The following NLRP14 variants were observed in gnomAD, a reference collection of about 807,000 sequenced individuals.
NLRP14 encodes the protein NLR family pyrin domain containing 14, also known as NACHT, LRR and PYD domains-containing protein 14.
Under a neutral mutation model 94.7 loss-of-function variants are expected in NLRP14, and 105 were observed. The observed-to-expected ratio is 1.11, with a 90% CI of 0.95 to 1.30. The LOEUF is 1.30. Ranked by LOEUF, NLRP14 falls within the 50% of genes most tolerant of loss-of-function variation. NLRP14 has a pLI of 0.00. For synonymous variants in NLRP14, 508 were observed against 459.9 expected (o/e 1.10, Z -1.34); for missense variants, 1,362 against 1,254.1 (o/e 1.09, Z -1.30).
intron 10 of NLRP14, among the ~76,000 whole-genome samples, chr11:7,069,739 C>T (rs1163666479): frequency 1.3e-5 from 2 of 151,960 alleles, no homozygotes; most frequent in African/African-American, 4.8e-5. Flanking sequence ...CAATTCTCCT[C>T]CCTCAGCCTC....
chr11:7,075,276 C>T (rs1419716346), downstream of NLRP14, among the ~76,000 whole-genome samples: 2 of 152,132 alleles, frequency 1.3e-5, no homozygotes, highest in African/African-American at 2.4e-5. Context: ...ATGAATGTCA[C>T]TTATGACTAT....
At position 7,042,518 on chromosome 11, in the gene NLRP14, C is replaced by T; in HGVS notation, c.492C>T (p.His164=). The T allele has an allele frequency of 6.2e-6, 10 of 1,614,202 alleles. No homozygotes were observed. The highest frequency in any genetic ancestry group is 8.5e-6 in the Non-Finnish European group (10 of 1,179,992). Residue 164 remains histidine, a synonymous_variant, in exon 4 of 12, where the codon CAC becomes CAT. Coordinates refer to ENST00000299481, the MANE Select transcript of NLRP14 (RefSeq NM_176822.4). ...IAEKDRKLLE[H]LFDVDVKTGA... ...AGAAAGATAGAAAACTGTTGGAACACTTGTTCGATGTGGATGTCAAAACCG... is the reference window on the plus strand; with the variant it reads ...AGAAAGATAGAAAACTGTTGGAACATTTGTTCGATGTGGATGTCAAAACCG...
intron 1 of NLRP14, among the ~76,000 whole-genome samples, chr11:7,030,876 A>G (rs1376489746): frequency 6.6e-6 from 1 of 152,184 alleles, no homozygotes; most frequent in Non-Finnish European, 1.5e-5. Flanking sequence ...GTGCGCCCAC[A>G]GGTTTGCTGA....
chr11:7,029,408 A>G (rs1427033629), intron 1 of NLRP14, among the ~76,000 whole-genome samples: 2 of 151,848 alleles, frequency 1.3e-5, no homozygotes, highest in East Asian at 1.9e-4. Context: ...TCAAAAGTCC[A>G]GGTTTCTTAT....
chr11:7,054,542 T>G (rs1043320291), intron 6 of NLRP14, among the ~76,000 whole-genome samples: 4 of 152,174 alleles, frequency 2.6e-5, no homozygotes, highest in African/African-American at 9.6e-5. Context: ...TTGATTTACA[T>G]TTCTCTGATT....
chr11:7,035,091 A>G (rs1852142958), intron 1 of NLRP14, among the ~76,000 whole-genome samples: 2 of 151,882 alleles, frequency 1.3e-5, no homozygotes, highest in Admixed American at 6.6e-5. Flanking sequence ...CAGGAGTTGG[A>G]GACTAACATG....
chr11:7,042,110 A>G (rs1437479723), intron 3 of NLRP14, among the ~76,000 whole-genome samples: 2 of 152,010 alleles, frequency 1.3e-5, no homozygotes, highest in African/African-American at 4.8e-5. Context: ...AGAAGAAAAA[A>G]TATTTCTAAA....
intron 1 of NLRP14, among the ~76,000 whole-genome samples, chr11:7,025,224 A>G (rs1851998233): frequency 6.6e-6 from 1 of 152,176 alleles, no homozygotes; most frequent in African/African-American, 2.4e-5. Context: ...TAAAAATGAC[A>G]TTGGACTTCT....
chr11:7,059,279 A>T (rs1852573107), intron 8 of NLRP14, among the ~76,000 whole-genome samples: 2 of 151,508 alleles, frequency 1.3e-5, no homozygotes, highest in Middle Eastern at 3.4e-3. Flanking sequence ...TCATTTTTAG[A>T]ACAGATAAGT....
intron 5 of NLRP14, among the ~76,000 whole-genome samples, chr11:7,049,113 CTA>C (rs1852402762): frequency 6.6e-6 from 1 of 152,174 alleles, no homozygotes; most frequent in South Asian, 2.1e-4. Flanking sequence ...AGCAGAGACA[CTA>C]TAGAAGAATC....
At chr11:7,027,863 C>T (rs1852036490) in intron 1 of NLRP14, among the ~76,000 whole-genome samples, 1 of 152,194 alleles carries the variant, frequency 6.6e-6, no homozygotes, top group African/African-American at 2.4e-5. Flanking sequence ...ATTAATCTCT[C>T]TTTCTACCTT....
At chr11:7,087,122 A>G in the NLRP14 span, among the ~76,000 whole-genome samples, 1 of 152,332 alleles carries the variant, frequency 6.6e-6, no homozygotes, top group East Asian at 1.9e-4. Context: ...AGTCACACTC[A>G]GGAGCCAAAG....
the NLRP14 span, chr11:7,089,234 C>T: frequency 1.2e-6 from 2 of 1,612,762 alleles, no homozygotes; most frequent in Non-Finnish European, 1.7e-6. Context: ...TCGAGGTGCT[C>T]CTGATGAAAG....
chr11:7,088,564 CAG>C, the NLRP14 span, among the ~76,000 whole-genome samples: 2 of 151,976 alleles, frequency 1.3e-5, no homozygotes, highest in East Asian at 1.9e-4. Context: ...AAAATCAAAA[CAG>C]AGGATAGACG....
intron 6 of NLRP14, 85 bp downstream of exon 6, chr11:7,049,923 C>A: frequency 8.7e-7 from 1 of 1,155,472 alleles, no homozygotes; most frequent in Non-Finnish European, 1.3e-6. Flanking sequence ...CCTGGATTTG[C>A]TATTCATAGG....
At position 7,020,639 on chromosome 11, in the gene NLRP14, C is replaced by T. The variant is rs1321083522; in HGVS notation, c.-153C>T. On this transcript the variant is annotated 5_prime_UTR_variant, in exon 1 of 12. Transcript: ENST00000299481. Reference sequence around the variant, plus strand: ...CGGAGAATTCTGTGACCCTCACCACCGCGACGACCCCGAGGAAACGCTGTC... The same window carrying T: ...CGGAGAATTCTGTGACCCTCACCACTGCGACGACCCCGAGGAAACGCTGTC... The T allele has an allele frequency of 6.6e-6, 1 of 152,246 alleles. No individual in the cohort carries two copies. Among genetic ancestry groups the T allele is most frequent in the African/African-American group, 2.4e-5 (1 of 41,454 alleles). 9.4% of individuals were successfully genotyped at this position (152,246 alleles called of 1,614,324 possible). A position where few individuals can be genotyped will look rare whatever the true frequency, so the allele number is the denominator to read the frequency against.
chr11:7,043,216 C>T lies in NLRP14; in HGVS notation c.1190C>T (p.Thr397Ile), dbSNP rs76670455. 3,923 of 1,614,144 alleles carry T rather than the reference C, an allele frequency of 2.4e-3. 26 individuals are homozygous for T. Among genetic ancestry groups the T allele is most frequent in the African/African-American group, 0.019 (1,394 of 75,032 alleles). Residue 397 changes from threonine to isoleucine, a missense_variant, in exon 4 of 12, where the codon ACA becomes ATA. Physicochemically the swap from Thr to Ile is moderately conservative, Grantham distance 89 (BLOSUM62 -1). Coordinates refer to ENST00000299481, the MANE Select transcript of NLRP14 (RefSeq NM_176822.4). ...GTCACATTGACCTGCCAAACAACCA[C>T]AGCTCTGTTTACCTGCTATATTTCT... is the stretch of plus-strand genomic sequence containing the variant. ...GDVTLTCQTTTALFTCYISSL... is the reference protein window; with the variant it reads ...GDVTLTCQTTIALFTCYISSL...
chr11:7,057,850 G>A lies in NLRP14; in HGVS notation c.2462+3G>A. On this transcript the variant is annotated splice_donor_region_variant and intron_variant, in intron 7 of 11. Coordinates refer to ENST00000299481, the MANE Select transcript of NLRP14 (RefSeq NM_176822.4). ...AAGTGTTATCTAGAGAGACTGTCGT[G>A]AGTGTTTCTGTTTTGTTTTCTGTAG... is the stretch of plus-strand genomic sequence containing the variant. 1 of 1,605,116 alleles carries A rather than the reference G, an allele frequency of 6.2e-7. No individual in the cohort carries two copies. The highest frequency in any genetic ancestry group is 1.1e-5 in the South Asian group (1 of 90,958).
chr11:7,059,908 A>C lies in NLRP14; in HGVS notation c.2648A>C (p.His883Pro). The change falls in exon 9 of 12, where the codon CAT (histidine) becomes CCT (proline). Residue 883 changes from histidine (H) to proline (P), a missense_variant. Physicochemically the swap from His to Pro is moderately conservative, Grantham distance 77. Coordinates refer to ENST00000299481, the MANE Select transcript of NLRP14 (RefSeq NM_176822.4). ...CCTTCCTGTAGGCTGAGGCGTTGCCATTTCACTTCACTTAGCAGTGAATAT... is the reference window on the plus strand; with the variant it reads ...CCTTCCTGTAGGCTGAGGCGTTGCCCTTTCACTTCACTTAGCAGTGAATAT... ...TLKSLVLRRC[H>P]FTSLSSEYLS... The C allele has an allele frequency of 6.2e-7, 1 of 1,612,338 alleles. No individual in the cohort carries two copies. Among genetic ancestry groups the C allele is most frequent in the Non-Finnish European group, 8.5e-7 (1 of 1,178,794 alleles).
Sources: gnomAD v4.1 joint callset for allele counts (sites outside exome capture counted in the v4.1 genomes callset) on GRCh38, gnomAD v4.1.1 for gene constraint, MANE v1.5 for transcripts, NCBI Gene and HGNC (gene_info 2026-07-23, HGNC 2026-07-21) for gene names.